CDK9: variants seen among roughly 807,000 people sequenced by gnomAD.
CDK9 encodes cyclin dependent kinase 9.
Under a neutral mutation model 39.0 loss-of-function variants are expected in CDK9, and 34 were observed. The ratio of observed to expected loss-of-function variants is 0.87; its 90% CI spans 0.66 to 1.16. CDK9 has a LOEUF of 1.16. Ranked by LOEUF, CDK9 falls within the 50% of genes most tolerant of loss-of-function variation. The pLI, the probability that CDK9 is intolerant of heterozygous loss-of-function variation, is 0.00. For synonymous variants in CDK9, 233 were observed against 196.2 expected (o/e 1.19, Z -1.57); for missense variants, 369 against 503.2 (o/e 0.73, Z 2.55).
In CDK9 at chr9:127,787,583, C is replaced by CT; in HGVS notation, c.242dup (p.Leu81PhefsTer3). On this transcript the variant is annotated frameshift_variant, in exon 3 of 7. Coordinates refer to ENST00000373264, the MANE Select transcript of CDK9 (RefSeq NM_001261.4). LOFTEE classifies it high-confidence loss of function. ...TTCTAAAACACGAGAATGTGGTCAA[C>CT]TTGATTGAGATTTGTCGAACCAAAG... 6.2e-7 allele frequency: 1 copy of CT among 1,612,828 alleles called. No homozygotes were observed. Among genetic ancestry groups the CT allele is most frequent in the Non-Finnish European group, 8.5e-7 (1 of 1,178,782 alleles).
chr9:127,787,422 C>A, intron 2 of CDK9, 96 bp from the exon 3 acceptor site: 1 of 747,516 alleles, frequency 1.3e-6, no homozygotes. Flanking sequence ...AGCCCATGAT[C>A]TTGCTCTGTC....
chr9:127,786,545 C>T (rs546674123), intron 1 of CDK9, among the ~76,000 whole-genome samples, 156 bp from the exon 2 acceptor site: 2 of 152,296 alleles, frequency 1.3e-5, no homozygotes, highest in African/African-American at 4.8e-5. Context: ...CCGAACGAGA[C>T]AGGCTGCCGG....
chr9:127,786,650 G>A lies in CDK9; in HGVS notation c.93-51G>A, dbSNP rs371774606. On this transcript the variant is annotated intron_variant, in intron 1 of 6. Coordinates refer to ENST00000373264, the MANE Select transcript of CDK9 (RefSeq NM_001261.4). ...TCCTCCTGTAGTGGGGGAGGGGCGG[G>A]CCCTGCGGAAATGGCCTGATGAGTT... The A allele has an allele frequency of 3.3e-6, 5 of 1,496,824 alleles. No homozygotes were observed. The African/African-American group carries it at 5.5e-5, about 16-fold the overall frequency. The allele number at this position is 1,496,824 out of a possible 1,614,324, so 92.7% of individuals were successfully genotyped here. A position where few individuals can be genotyped will look rare whatever the true frequency, so the allele number is the denominator to read the frequency against.
Position 127,790,371 on chromosome 9 carries a change from C to T in CDK9, c.*828C>T, listed in dbSNP as rs1490902435. ...TGGCTGCGATGGTCACCCAGCTGGG[C>T]AAATCACTGGAGTGACAATTTGACC... On this transcript the variant is annotated 3_prime_UTR_variant, in exon 7 of 7. Transcript: ENST00000373264. 1 of 152,306 alleles carries T rather than the reference C, an allele frequency of 6.6e-6. No individual in the cohort carries two copies. Among genetic ancestry groups the T allele is most frequent in the Admixed American group, 6.5e-5 (1 of 15,280 alleles). The allele number at this position is 152,306 out of a possible 1,614,324, so 9.4% of individuals were successfully genotyped here.
At position 127,789,807 on chromosome 9, in the gene CDK9, A is replaced by T; in HGVS notation, c.*264A>T. ...GGGTAGGAGGATGGGCTCGCCCACCAGTGACTTTTTCTAAGAGCTCCCGGC... is the reference window on the plus strand; with the variant it reads ...GGGTAGGAGGATGGGCTCGCCCACCTGTGACTTTTTCTAAGAGCTCCCGGC... On this transcript the variant is annotated 3_prime_UTR_variant, in exon 7 of 7. Coordinates refer to ENST00000373264, the MANE Select transcript of CDK9 (RefSeq NM_001261.4). The surrounding 1 kb of genome is among the most constrained non-coding windows in gnomAD (Gnocchi z 5.2). The T allele has an allele frequency of 2.1e-6, 1 of 477,420 alleles. No individual in the cohort carries two copies. Among genetic ancestry groups the T allele is most frequent in the Non-Finnish European group, 3.7e-6 (1 of 267,470 alleles). 29.6% of individuals were successfully genotyped at this position (477,420 alleles called of 1,614,324 possible).
Position 127,788,395 on chromosome 9 carries a change from C to A in CDK9, c.604+10C>A. ...CCGGAGCTGTTGCTCGGTGAGGACT[C>A]CCGAGCGGGCCAAGGGGGGTGAGGG... On this transcript the variant is annotated intron_variant, in intron 5 of 6. Transcript: ENST00000373264. 6.2e-7 allele frequency: 1 copy of A among 1,609,148 alleles called. No homozygotes were observed. Among genetic ancestry groups the A allele is most frequent in the Non-Finnish European group, 8.5e-7 (1 of 1,178,444 alleles).
chr9:127,789,175 C>T lies in CDK9; in HGVS notation c.754-3C>T. 1 of 1,564,040 alleles carries T rather than the reference C, an allele frequency of 6.4e-7. No homozygotes were observed. Among genetic ancestry groups the T allele is most frequent in the South Asian group, 1.2e-5 (1 of 84,552 alleles). ...TATTCTCTCAACGCCCCCTCCCTCC[C>T]AGGTGTGGCCAAACGTGGACAACTA... On this transcript the variant is annotated splice_polypyrimidine_tract_variant and splice_region_variant and intron_variant, in intron 6 of 6. Coordinates refer to ENST00000373264, the MANE Select transcript of CDK9 (RefSeq NM_001261.4). The surrounding 1 kb of genome is among the most constrained non-coding windows in gnomAD (Gnocchi z 5.2).
At chr9:127,787,652 A>C (rs1335582621) in intron 3 of CDK9, 44 bp downstream of exon 3, 3 of 1,442,904 alleles carry the variant, frequency 2.1e-6, no homozygotes, top group Non-Finnish European at 2.9e-6. Context: ...TTGTAGCCTA[A>C]GGTTTTGTTT....
In CDK9 at chr9:127,789,405, G is replaced by C; in HGVS notation, c.981G>C (p.Met327Ile). ...CCATGCCCTCCGACCTCAAGGGCATGCTCTCCACCCACCTGACGTCCATGT... is the reference window on the plus strand; with the variant it reads ...CCATGCCCTCCGACCTCAAGGGCATCCTCTCCACCCACCTGACGTCCATGT... Reference protein sequence around the residue: ...SDPMPSDLKGMLSTHLTSMFE... With the variant: ...SDPMPSDLKGILSTHLTSMFE... The change falls in exon 7 of 7, where the codon ATG becomes ATC. Residue 327 changes from methionine (M) to isoleucine (I), a missense_variant. Coordinates refer to ENST00000373264, the MANE Select transcript of CDK9 (RefSeq NM_001261.4). This position sits in a 1 kb window ranked among gnomAD's most constrained non-coding sequence, Gnocchi z 5.2. 6.2e-7 allele frequency: 1 copy of C among 1,614,024 alleles called. No individual in the cohort carries two copies. Among genetic ancestry groups the C allele is most frequent in the Non-Finnish European group, 8.5e-7 (1 of 1,180,030 alleles).
At chr9:127,787,810 C>A in intron 3 of CDK9, 137 bp from the exon 4 acceptor site, 1 of 993,162 alleles carries the variant, frequency 1.0e-6, no homozygotes, top group Non-Finnish European at 1.5e-6. Flanking sequence ...AATATTTGAC[C>A]GGTGAAGGAA....
rs898928426 is a variant in CDK9 at position 127,789,636 on chromosome 9, A to G, written c.*93A>G. On this transcript the variant is annotated 3_prime_UTR_variant, in exon 7 of 7. Transcript: ENST00000373264. This position sits in a 1 kb window ranked among gnomAD's most constrained non-coding sequence, Gnocchi z 5.2. ...CAGGGCATTTGAGTTTATATCTCTC[A>G]TGCATATTTTATTTAATCCCCACCC... 5 of 1,477,064 alleles carry G rather than the reference A, an allele frequency of 3.4e-6. No homozygotes were observed. Among genetic ancestry groups the G allele is most frequent in the African/African-American group, 2.8e-5 (2 of 71,140 alleles). 91.5% of individuals were successfully genotyped at this position (1,477,064 alleles called of 1,614,324 possible).
intron 6 of CDK9, 109 bp downstream of exon 6, chr9:127,788,801 G>C (rs1013252323): frequency 4.3e-5 from 51 of 1,174,438 alleles, no homozygotes; most frequent in Non-Finnish European, 5.8e-5. Flanking sequence ...GGCTGGTTTG[G>C]TGACAGGGCC....
Position 127,786,050 on chromosome 9 carries a change from C to A in CDK9, c.-99C>A. The A allele has an allele frequency of 1.4e-6, 1 of 695,982 alleles. No individual in the cohort carries two copies. Among genetic ancestry groups the A allele is most frequent in the Non-Finnish European group, 2.1e-6 (1 of 480,456 alleles). 43.1% of individuals were successfully genotyped at this position (695,982 alleles called of 1,614,324 possible). ...GAAGTGGCCGTGGAGGCGGAAGTGG[C>A]GCGGCCGCGGAGGGGCCTGGAGTGC... is the stretch of plus-strand genomic sequence containing the variant. On this transcript the variant is annotated 5_prime_UTR_variant, in exon 1 of 7. Coordinates refer to ENST00000373264, the MANE Select transcript of CDK9 (RefSeq NM_001261.4).
chr9:127,789,544 G>C lies in CDK9; in HGVS notation c.*1G>C, dbSNP rs1019575132. Reference sequence around the variant, plus strand: ...GACGGAGTTTGAGCGCGTCTTCTGAGGGCCGGCGCTTGCCACTAGGGCTCT... The same window carrying C: ...GACGGAGTTTGAGCGCGTCTTCTGACGGCCGGCGCTTGCCACTAGGGCTCT... On this transcript the variant is annotated 3_prime_UTR_variant, in exon 7 of 7. Coordinates refer to ENST00000373264, the MANE Select transcript of CDK9 (RefSeq NM_001261.4). The surrounding 1 kb of genome is among the most constrained non-coding windows in gnomAD (Gnocchi z 5.2). 6 of 1,612,634 alleles carry C rather than the reference G, an allele frequency of 3.7e-6. No homozygotes were observed. In the African/African-American group the frequency reaches 4.0e-5, roughly 11 times the overall value.
chr9:127,787,739 C>T (rs1829356373), intron 3 of CDK9, 131 bp downstream of exon 3: 8 of 854,988 alleles, frequency 9.4e-6, no homozygotes, highest in Admixed American at 8.8e-5. Flanking sequence ...TTTTCTGGTC[C>T]TCTTTCATCG....
chr9:127,789,485 C>T lies in CDK9; in HGVS notation c.1061C>T (p.Thr354Ile). 4 of 1,614,160 alleles carry T rather than the reference C, an allele frequency of 2.5e-6. No homozygotes were observed. Among genetic ancestry groups the T allele is most frequent in the Non-Finnish European group, 3.4e-6 (4 of 1,180,032 alleles). ...GGCAGCCAGATCACCCAGCAGTCCA[C>T]CAACCAGAGTCGCAATCCCGCCACC... ...RKGSQITQQS[T>I]NQSRNPATTN... Residue 354 changes from threonine (T) to isoleucine (I), a missense_variant, in exon 7 of 7, where the codon ACC (threonine) becomes ATC (isoleucine). Thr to Ile is a moderately conservative substitution (Grantham distance 89). Coordinates refer to ENST00000373264, the MANE Select transcript of CDK9 (RefSeq NM_001261.4). The surrounding 1 kb of genome is among the most constrained non-coding windows in gnomAD (Gnocchi z 5.2).
chr9:127,786,317 C>T (rs560331821), intron 1 of CDK9, 77 bp downstream of exon 1: 2 of 1,208,158 alleles, frequency 1.7e-6, no homozygotes, highest in African/African-American at 3.1e-5. Flanking sequence ...CGGGCCCCCC[C>T]CGAGTTGGTA....
chr9:127,788,883 A>G (rs963002220), intron 6 of CDK9, among the ~76,000 whole-genome samples, 191 bp downstream of exon 6: 2 of 152,138 alleles, frequency 1.3e-5, no homozygotes, highest in African/African-American at 4.8e-5. Flanking sequence ...CGGTTCCATC[A>G]GCTGTTCTGT....
intron 1 of CDK9, 71 bp downstream of exon 1, chr9:127,786,311 C>A (rs1564432135): frequency 1.4e-5 from 16 of 1,104,446 alleles, no homozygotes; most frequent in African/African-American, 6.9e-5. Context: ...GATGCCCGGG[C>A]CCCCCCCGAG....
Sources: gnomAD v4.1 joint callset for allele counts (sites outside exome capture counted in the v4.1 genomes callset) on GRCh38, gnomAD v4.1.1 for gene constraint, Gnocchi (gnomAD v3.1) non-coding constraint, MANE v1.5 for transcripts, NCBI Gene and HGNC (gene_info 2026-07-23, HGNC 2026-07-21) for gene names.